The following KAZN variants were observed in gnomAD, a reference collection of about 807,000 sequenced individuals.
KAZN encodes kazrin, periplakin interacting protein, also known as kazrin.
In KAZN, 40 loss-of-function variants were observed where a neutral mutation model predicts 87.4. The ratio of observed to expected loss-of-function variants is 0.46; its 90% CI spans 0.36 to 0.60. The LOEUF (loss-of-function observed/expected upper bound fraction) is 0.60. Ranked by LOEUF, KAZN falls within the 20% of genes least tolerant of loss-of-function variation. The pLI, the probability that KAZN is intolerant of heterozygous loss-of-function variation, is 0.00. For missense variants in KAZN, 898 were observed against 1,073.9 expected (o/e 0.84, Z 2.29); for synonymous variants, 466 against 458.3 (o/e 1.02, Z -0.22).
intron 1 of KAZN, among the ~76,000 whole-genome samples, chr1:14,711,811 T>G (rs958988528): frequency 2.6e-5 from 4 of 152,170 alleles, no homozygotes; most frequent in African/African-American, 7.2e-5. Flanking sequence ...CCTTGCAGCC[T>G]GTGAGAGACC....
At chr1:14,150,965 T>TAC (rs34298965) in intron 1 of KAZN, among the ~76,000 whole-genome samples, 32,078 of 151,046 alleles carry the variant, frequency 0.21, 4,146 homozygotes, top group East Asian at 0.6. Flanking sequence ...AACATTGTCA[T>TAC]ACACACACAC....
intron 2 of KAZN, among the ~76,000 whole-genome samples, chr1:14,502,578 CA>C (rs888946664): frequency 2.0e-5 from 3 of 152,072 alleles, no homozygotes; most frequent in African/African-American, 4.8e-5. Flanking sequence ...GGGGGCCTAC[CA>C]AAATGTTATC....
At chr1:14,206,405 C>T (rs1646746226) in intron 2 of KAZN, among the ~76,000 whole-genome samples, 1 of 152,056 alleles carries the variant, frequency 6.6e-6, no homozygotes, top group South Asian at 2.1e-4. Context: ...TTGCAGTGGC[C>T]TCACCACACC....
At chr1:14,900,451 TG>T (rs1655737531) in intron 1 of KAZN, among the ~76,000 whole-genome samples, 1 of 152,102 alleles carries the variant, frequency 6.6e-6, no homozygotes, top group Non-Finnish European at 1.5e-5. Flanking sequence ...AAGGATCGTA[TG>T]CCTGTAAAGA....
intron 1 of KAZN, among the ~76,000 whole-genome samples, chr1:14,074,369 C>T (rs1283749696): frequency 6.6e-6 from 1 of 152,176 alleles, no homozygotes; most frequent in East Asian, 1.9e-4. Context: ...GATATCCTAA[C>T]CTCCATGCCC....
intron 2 of KAZN, among the ~76,000 whole-genome samples, chr1:14,219,914 C>A (rs1017200650): frequency 4.6e-5 from 7 of 152,192 alleles, no homozygotes; most frequent in Non-Finnish European, 2.9e-5. Flanking sequence ...CTGAAACCCA[C>A]TGTCTGAAGG....
chr1:14,516,480 A>C (rs1242925393), intron 2 of KAZN, among the ~76,000 whole-genome samples: 2 of 152,214 alleles, frequency 1.3e-5, no homozygotes, highest in Admixed American at 6.5e-5. Flanking sequence ...AGATGAGCAC[A>C]TGACCCACGT....
chr1:14,943,059 G>A (rs1661320487), intron 1 of KAZN, among the ~76,000 whole-genome samples: 1 of 134,386 alleles, frequency 7.4e-6, no homozygotes, highest in African/African-American at 3.5e-5. Flanking sequence ...TGTTGGGGAG[G>A]AGAGCCTTGG....
chr1:14,889,898 T>G (rs1194714424), intron 1 of KAZN, among the ~76,000 whole-genome samples: 3 of 152,246 alleles, frequency 2.0e-5, no homozygotes, highest in Non-Finnish European at 4.4e-5. Context: ...AAGCCTGTCT[T>G]ACATGACAAA....
chr1:14,091,577 T>C (rs904058641), intron 1 of KAZN, among the ~76,000 whole-genome samples: 1 of 152,224 alleles, frequency 6.6e-6, no homozygotes, highest in Non-Finnish European at 1.5e-5. Flanking sequence ...AATTAATACA[T>C]CTTACTGTAA....
At chr1:14,562,638 A>G (rs909657600) in intron 2 of KAZN, among the ~76,000 whole-genome samples, 1 of 152,194 alleles carries the variant, frequency 6.6e-6, no homozygotes, top group African/African-American at 2.4e-5. Flanking sequence ...GGGTGGTGGA[A>G]CCATGAGATG....
At chr1:14,516,600 A>G (rs1248804002) in intron 2 of KAZN, among the ~76,000 whole-genome samples, 1 of 152,238 alleles carries the variant, frequency 6.6e-6, no homozygotes, top group African/African-American at 2.4e-5. Flanking sequence ...TCAAGGGTCA[A>G]TGAATGAGTG....
At chr1:14,236,906 G>A (rs964928613) in intron 2 of KAZN, among the ~76,000 whole-genome samples, 9 of 152,014 alleles carry the variant, frequency 5.9e-5, no homozygotes, top group African/African-American at 1.7e-4. Context: ...CCTGGGTGAC[G>A]GAGCAAGACC....
At chr1:13,898,991 C>T (rs1208100932) in intron 1 of KAZN, among the ~76,000 whole-genome samples, 6 of 152,270 alleles carry the variant, frequency 3.9e-5, no homozygotes, top group South Asian at 2.1e-4. Flanking sequence ...GTTAAACAGA[C>T]GAAGATGAGC....
At chr1:14,849,959 G>C (rs1264113692) in intron 1 of KAZN, among the ~76,000 whole-genome samples, 1 of 145,912 alleles carries the variant, frequency 6.9e-6, no homozygotes, top group Non-Finnish European at 1.5e-5. Context: ...TTTTGAAACA[G>C]AGTATCGCTC....
At chr1:14,576,233 A>G (rs114736651) in intron 2 of KAZN, among the ~76,000 whole-genome samples, 2,456 of 152,326 alleles carry the variant, frequency 0.016, 62 homozygotes, top group African/African-American at 0.057. Flanking sequence ...AGAGGTTATC[A>G]GTGGCAAGAA....
intron 2 of KAZN, among the ~76,000 whole-genome samples, chr1:14,252,546 C>G (rs12123788): frequency 6.6e-6 from 1 of 152,304 alleles, no homozygotes; most frequent in African/African-American, 2.4e-5. Flanking sequence ...TGTCCAGCAA[C>G]TCAGGCAACT....
At chr1:14,802,567 C>G (rs1646070803) in intron 1 of KAZN, among the ~76,000 whole-genome samples, 1 of 152,100 alleles carries the variant, frequency 6.6e-6, no homozygotes, top group Admixed American at 6.5e-5. Flanking sequence ...ATGCACGGAA[C>G]AGCCCCCATA....
chr1:14,395,265 G>A (rs1200173207), intron 2 of KAZN, among the ~76,000 whole-genome samples: 3 of 152,292 alleles, frequency 2.0e-5, no homozygotes, highest in Admixed American at 6.5e-5. Flanking sequence ...AAACAAGAAA[G>A]AAGTCTGTGT....
Sources: allele counts gnomAD v4.1 joint callset (sites outside exome capture counted in the v4.1 genomes callset), GRCh38; gene constraint gnomAD v4.1.1; transcripts MANE v1.5; gene names NCBI Gene and HGNC (gene_info 2026-07-23, HGNC 2026-07-21).